NAALADL2: variants seen among roughly 807,000 people sequenced by gnomAD.
NAALADL2 encodes the protein N-acetylated alpha-linked acidic dipeptidase like 2.
NAALADL2 carries 76 observed loss-of-function variants against 87.2 expected under a neutral mutation model. The observed-to-expected ratio is 0.87, with a 90% CI of 0.72 to 1.05. The LOEUF (loss-of-function observed/expected upper bound fraction) is 1.05. Ranked by LOEUF, NAALADL2 falls within the 50% of genes least tolerant of loss-of-function variation. NAALADL2 has a pLI of 0.00. For missense variants in NAALADL2, 1,089 were observed against 945.8 expected (o/e 1.15, Z -1.99); for synonymous variants, 354 against 331.0 (o/e 1.07, Z -0.75).
chr3:175,164,139 C>A (rs769387291), intron 2 of NAALADL2, among the ~76,000 whole-genome samples: 19 of 151,650 alleles, frequency 1.3e-4, no homozygotes, highest in Non-Finnish European at 2.2e-4. Context: ...TAAAAATGTC[C>A]ATTTTTTGTT....
intron 1 of NAALADL2, among the ~76,000 whole-genome samples, chr3:175,075,611 G>A (rs1367240045): frequency 6.6e-6 from 1 of 152,046 alleles, no homozygotes; most frequent in Non-Finnish European, 1.5e-5. Flanking sequence ...ATCATTTCCT[G>A]AACTTACCAA....
At chr3:175,321,056 T>A (rs1187141910) in intron 4 of NAALADL2, among the ~76,000 whole-genome samples, 5 of 146,446 alleles carry the variant, frequency 3.4e-5, no homozygotes, top group South Asian at 4.4e-4. Flanking sequence ...TAGACCAATA[T>A]CCTTGATGAA....
chr3:175,386,475 T>G (rs2149002893), intron 5 of NAALADL2, among the ~76,000 whole-genome samples: 1 of 152,094 alleles, frequency 6.6e-6, no homozygotes, highest in Non-Finnish European at 1.5e-5. Flanking sequence ...TGTGTATTTC[T>G]GTCAAGAGGC....
chr3:175,569,823 TACACACACACACACAC>T (rs34518577), intron 9 of NAALADL2, among the ~76,000 whole-genome samples: 30 of 147,500 alleles, frequency 2.0e-4, no homozygotes, highest in South Asian at 6.5e-4. Context: ...GACCAACTAA[TACACACACACACACAC>T]ACACACACAC....
At chr3:175,470,004 G>T (rs1193016703) in intron 8 of NAALADL2, among the ~76,000 whole-genome samples, 2 of 152,044 alleles carry the variant, frequency 1.3e-5, no homozygotes, top group Non-Finnish European at 2.9e-5. Context: ...CCCTCTTTCA[G>T]AGGTATGGCT....
intron 8 of NAALADL2, among the ~76,000 whole-genome samples, chr3:175,469,008 T>G (rs1724501829): frequency 6.6e-6 from 1 of 152,032 alleles, no homozygotes; most frequent in Non-Finnish European, 1.5e-5. Flanking sequence ...GGAAAAAAAT[T>G]TTGTTAATAA....
intron 3 of NAALADL2, among the ~76,000 whole-genome samples, chr3:174,768,055 A>T (rs1041911059): frequency 6.6e-6 from 1 of 152,202 alleles, no homozygotes; most frequent in Non-Finnish European, 1.5e-5. Context: ...TAAACGTACT[A>T]GGAGAAGCAA....
At chr3:175,421,454 C>T (rs1218989598) in intron 5 of NAALADL2, among the ~76,000 whole-genome samples, 2 of 151,942 alleles carry the variant, frequency 1.3e-5, no homozygotes, top group South Asian at 2.1e-4. Flanking sequence ...GTTCAAGAAC[C>T]GCTGGTCATT....
At chr3:175,189,324 T>C (rs1737799164) in intron 2 of NAALADL2, among the ~76,000 whole-genome samples, 1 of 152,176 alleles carries the variant, frequency 6.6e-6, no homozygotes, top group Non-Finnish European at 1.5e-5. Context: ...ATCCCCTATG[T>C]AGAAAGCCCC....
intron 1 of NAALADL2, among the ~76,000 whole-genome samples, chr3:174,544,175 A>T (rs1296731564): frequency 6.6e-6 from 1 of 152,146 alleles, no homozygotes; most frequent in Non-Finnish European, 1.5e-5. Context: ...CTCTATGCTT[A>T]TAAAGTTATT....
chr3:175,001,898 C>T (rs1748284599), intron 1 of NAALADL2, among the ~76,000 whole-genome samples: 2 of 152,250 alleles, frequency 1.3e-5, no homozygotes, highest in Admixed American at 6.5e-5. Flanking sequence ...AGTCAAAACA[C>T]ATGCCTACAA....
intron 11 of NAALADL2, among the ~76,000 whole-genome samples, chr3:175,730,712 A>T (rs1035224676): frequency 8.6e-5 from 13 of 151,796 alleles, no homozygotes; most frequent in African/African-American, 2.9e-4. Context: ...CAACACAATG[A>T]TCCTTTTATA....
At chr3:175,730,344 T>G (rs1743504371) in intron 11 of NAALADL2, among the ~76,000 whole-genome samples, 1 of 143,934 alleles carries the variant, frequency 6.9e-6, no homozygotes, top group Admixed American at 7.0e-5. Context: ...CCTGTAGTAA[T>G]TTTAGTTGTA....
chr3:174,459,012 G>A (rs1716034862), intron 1 of NAALADL2, among the ~76,000 whole-genome samples: 1 of 152,198 alleles, frequency 6.6e-6, no homozygotes, highest in African/African-American at 2.4e-5. Flanking sequence ...TTGGAGAAAA[G>A]GGATGATCCA....
At chr3:175,255,703 G>T (rs1049039633) in intron 3 of NAALADL2, among the ~76,000 whole-genome samples, 1 of 152,164 alleles carries the variant, frequency 6.6e-6, no homozygotes, top group African/African-American at 2.4e-5. Flanking sequence ...GAAATCTCCA[G>T]AAAGGCATGA....
chr3:175,271,347 G>T (rs1006331541), intron 4 of NAALADL2, among the ~76,000 whole-genome samples: 2 of 152,114 alleles, frequency 1.3e-5, no homozygotes, highest in Non-Finnish European at 2.9e-5. Flanking sequence ...TGATGGATTA[G>T]GAAAACGTGA....
chr3:175,692,997 C>G (rs759830676), intron 11 of NAALADL2, among the ~76,000 whole-genome samples: 2 of 152,102 alleles, frequency 1.3e-5, no homozygotes, highest in Non-Finnish European at 2.9e-5. Flanking sequence ...CTGTAAAGCT[C>G]AGAGTTTCAG....
intron 3 of NAALADL2, among the ~76,000 whole-genome samples, chr3:174,765,143 C>CACACAT (rs150906568): frequency 2.4e-5 from 3 of 124,552 alleles, no homozygotes; most frequent in East Asian, 2.0e-4. Flanking sequence ...CACACACACA[C>CACACAT]GAGAGAGAGA....
At chr3:175,221,198 T>TAA (rs368539591) in intron 2 of NAALADL2, among the ~76,000 whole-genome samples, 13,470 of 135,770 alleles carry the variant, frequency 0.099, 1,368 homozygotes, top group African/African-American at 0.26. Context: ...GACTCCGTTT[T>TAA]AAAAAAAAAA....
Sources: allele counts gnomAD v4.1 joint callset (sites outside exome capture counted in the v4.1 genomes callset), GRCh38; gene constraint gnomAD v4.1.1; transcripts MANE v1.5; gene names NCBI Gene and HGNC (gene_info 2026-07-23, HGNC 2026-07-21).